SYN3: variants seen among roughly 807,000 people sequenced by gnomAD.
SYN3 encodes the protein synapsin-3.
In SYN3, 35 loss-of-function variants were observed where a neutral mutation model predicts 65.8. That is an observed-to-expected ratio of 0.53 (90% CI 0.41 to 0.70). SYN3 has a LOEUF of 0.70. Among genes scored for constraint, SYN3 ranks in the 30% least tolerant of loss-of-function variants. The pLI, the probability that SYN3 is intolerant of heterozygous loss-of-function variation, is 0.00. For missense variants in SYN3, 680 were observed against 749.0 expected (o/e 0.91, Z 1.08); for synonymous variants, 270 against 292.9 (o/e 0.92, Z 0.80).
In SYN3 at chr22:32,737,230, G is replaced by A. The variant is rs77444040; in HGVS notation, c.711+127685C>T. ...AAACAACCCATGAGGTTAGGTACTT[G>A]TATTCTCCTCATTTTGCTAAAAAGG... On this transcript the variant is annotated intron_variant, in intron 6 of 13. Transcript: ENST00000358763. Among the ~76,000 whole-genome samples the A allele has an allele frequency of 4.6e-3, 701 of 152,242 alleles. 1 individual carries two copies. The highest frequency in any genetic ancestry group is 0.01 in the Middle Eastern group (3 of 294).
chr22:32,545,210 C>T (rs1394864342), intron 7 of SYN3, among the ~76,000 whole-genome samples: 1 of 152,152 alleles, frequency 6.6e-6, no homozygotes, highest in Non-Finnish European at 1.5e-5. Context: ...TGGAAGAAGT[C>T]CATGGTCATG....
chr22:32,979,975 C>T (rs241732), intron 3 of SYN3, among the ~76,000 whole-genome samples: 96,342 of 151,844 alleles, frequency 0.63, 31,022 homozygotes, highest in East Asian at 0.78. Context: ...GCGGAACGAA[C>T]AGGAGAAAGC....
At chr22:32,556,834 T>G (rs5017396) in intron 7 of SYN3, among the ~76,000 whole-genome samples, 44,501 of 128,972 alleles carry the variant, frequency 0.35, 8,415 homozygotes, top group Admixed American at 0.39. Flanking sequence ...TTTTTTTTTT[T>G]TGTGTGTAGA....
chr22:32,799,288 T>A (rs2046505040), intron 6 of SYN3, among the ~76,000 whole-genome samples: 1 of 152,206 alleles, frequency 6.6e-6, no homozygotes, highest in South Asian at 2.1e-4. Flanking sequence ...TGGAATTCGC[T>A]GAACTTCAAG....
chr22:32,720,985 C>T (rs956063398), intron 6 of SYN3, among the ~76,000 whole-genome samples: 4 of 152,220 alleles, frequency 2.6e-5, no homozygotes, highest in African/African-American at 4.8e-5. Flanking sequence ...TTAGTACACA[C>T]GTTCACATCC....
At chr22:32,561,833 C>A (rs2058591077) in intron 7 of SYN3, among the ~76,000 whole-genome samples, 1 of 152,184 alleles carries the variant, frequency 6.6e-6, no homozygotes. Flanking sequence ...AACGCTGCCT[C>A]CAAGGCTTGG....
intron 6 of SYN3, among the ~76,000 whole-genome samples, chr22:32,667,021 C>T (rs1429279862): frequency 6.6e-6 from 1 of 152,206 alleles, no homozygotes; most frequent in Non-Finnish European, 1.5e-5. Flanking sequence ...CCTCACGGAA[C>T]ACAAGGTCAG....
At chr22:32,589,217 C>G (rs974752790) in intron 7 of SYN3, among the ~76,000 whole-genome samples, 1 of 152,326 alleles carries the variant, frequency 6.6e-6, no homozygotes, top group South Asian at 2.1e-4. Context: ...AAGCCAAGAA[C>G]CTTCCCAGGC....
intron 6 of SYN3, among the ~76,000 whole-genome samples, chr22:32,829,545 C>T (rs1245724330): frequency 6.6e-6 from 1 of 152,222 alleles, no homozygotes; most frequent in Non-Finnish European, 1.5e-5. Context: ...GCAGGGCTGC[C>T]CGCCTCCTGT....
intron 1 of SYN3, among the ~76,000 whole-genome samples, chr22:33,023,205 C>A (rs979998936): frequency 6.6e-6 from 1 of 152,098 alleles, no homozygotes; most frequent in African/African-American, 2.4e-5. Context: ...CTCCGTGTCC[C>A]GACCCAAATC....
rs133977 is a variant in SYN3, at chr22:33,036,678, C to CTTTT, written c.-163+21610_-163+21613dup. Among the ~76,000 whole-genome samples the CTTTT allele has an allele frequency of 6.6e-4, 66 of 99,530 alleles. 3 individuals are homozygous for CTTTT. The highest frequency in any genetic ancestry group is 5.3e-3 in the Middle Eastern group (1 of 188). The allele number at this position is 99,530 out of a possible 152,430, so 65.3% of individuals were successfully genotyped here. On this transcript the variant is annotated intron_variant, in intron 1 of 13. Transcript: ENST00000358763. ...TTTTAAATGCTGTAAAGCCCAAGTT[C>CTTTT]TTTTTTTTTTTTTTTTTTTTTTTTT...
intron 6 of SYN3, among the ~76,000 whole-genome samples, chr22:32,732,843 G>A (rs1424387410): frequency 6.6e-6 from 1 of 152,038 alleles, no homozygotes; most frequent in Non-Finnish European, 1.5e-5. Context: ...AATGCACTGG[G>A]GGTTTTACAT....
At chr22:32,519,972 AGG>A (rs1463002952) in intron 12 of SYN3, among the ~76,000 whole-genome samples, 4 of 152,146 alleles carry the variant, frequency 2.6e-5, no homozygotes, top group Non-Finnish European at 4.4e-5. Flanking sequence ...TCTGTGGGTT[AGG>A]CATTATTTTC....
chr22:32,762,262 G>A (rs1273485354), intron 6 of SYN3, among the ~76,000 whole-genome samples: 1 of 151,482 alleles, frequency 6.6e-6, no homozygotes, highest in Non-Finnish European at 1.5e-5. Context: ...TCCTTCCCCA[G>A]GGTTATAGCA....
intron 1 of SYN3, among the ~76,000 whole-genome samples, chr22:33,016,445 C>A (rs2053468364): frequency 6.6e-6 from 1 of 152,164 alleles, no homozygotes; most frequent in South Asian, 2.1e-4. Flanking sequence ...TATCAATTAG[C>A]TTCTTTGATA....
chr22:32,705,052 G>T (rs757076174), intron 6 of SYN3, among the ~76,000 whole-genome samples: 2 of 152,124 alleles, frequency 1.3e-5, no homozygotes, highest in South Asian at 4.1e-4. Context: ...AAGCTCTTAC[G>T]TTGAATTAGA....
At chr22:33,012,675 G>C (rs557155626) in intron 1 of SYN3, among the ~76,000 whole-genome samples, 23 of 152,346 alleles carry the variant, frequency 1.5e-4, no homozygotes, top group African/African-American at 5.5e-4. Context: ...GTTCAACAGA[G>C]GTGCCAGTTG....
intron 7 of SYN3, among the ~76,000 whole-genome samples, chr22:32,558,699 C>T (rs752244821): frequency 6.6e-6 from 1 of 152,346 alleles, no homozygotes; most frequent in African/African-American, 2.4e-5. Context: ...TGGAAGGACC[C>T]GGGAGGGCAA....
chr22:32,905,254 T>G (rs2146546467), intron 4 of SYN3, among the ~76,000 whole-genome samples: 1 of 152,350 alleles, frequency 6.6e-6, no homozygotes, highest in East Asian at 1.9e-4. Context: ...CTTCAGTTGT[T>G]TCCTCCAAAG....
Sources: allele counts gnomAD v4.1 joint callset (sites outside exome capture counted in the v4.1 genomes callset), GRCh38; gene constraint gnomAD v4.1.1; transcripts MANE v1.5; gene names NCBI Gene and HGNC (gene_info 2026-07-23, HGNC 2026-07-21).